Variants in TRHDE observed in about 807,000 individuals in gnomAD.
TRHDE encodes the protein thyrotropin-releasing hormone-degrading ectoenzyme.
In TRHDE, 72 loss-of-function variants were observed where a neutral mutation model predicts 125.7. The ratio of observed to expected loss-of-function variants is 0.57; its 90% CI spans 0.47 to 0.70. TRHDE has a LOEUF of 0.70. TRHDE is among the 30% of genes least tolerant of loss of function. The probability of loss-of-function intolerance (pLI) is 0.00; values close to 1 mark genes in which losing one functional copy is unlikely to be tolerated. For synonymous variants in TRHDE, 509 were observed against 509.1 expected (o/e 1.00, Z 0.00); for missense variants, 1,110 against 1,327.1 (o/e 0.84, Z 2.54).
intron 2 of TRHDE, among the ~76,000 whole-genome samples, chr12:72,116,318 CAT>C (rs1186732066): frequency 2.0e-5 from 3 of 152,118 alleles, no homozygotes; most frequent in Admixed American, 6.6e-5. Flanking sequence ...CTAAAATAAA[CAT>C]ATGTGTGCAT....
intron 2 of TRHDE, among the ~76,000 whole-genome samples, chr12:72,216,347 C>T (rs1056025948): frequency 6.6e-6 from 1 of 152,060 alleles, no homozygotes; most frequent in Non-Finnish European, 1.5e-5. Flanking sequence ...CTTATGAAAT[C>T]CTTTTGGTAG....
chr12:72,165,469 G>A (rs548234546), intron 2 of TRHDE, among the ~76,000 whole-genome samples: 1 of 152,172 alleles, frequency 6.6e-6, no homozygotes, highest in South Asian at 2.1e-4. Context: ...TACTTGTCAG[G>A]GTGGGAGGCT....
At chr12:72,265,790 G>C (rs887576835) in intron 2 of TRHDE, among the ~76,000 whole-genome samples, 1 of 151,734 alleles carries the variant, frequency 6.6e-6, no homozygotes, top group African/African-American at 2.4e-5. Context: ...CTGTATCTTT[G>C]ACCAGAATCC....
At chr12:72,543,643 A>C (rs1869263684) in intron 7 of TRHDE, among the ~76,000 whole-genome samples, 1 of 151,420 alleles carries the variant, frequency 6.6e-6, no homozygotes, top group South Asian at 2.1e-4. Flanking sequence ...CATAAGGGCA[A>C]CATAAATTGA....
At chr12:72,621,988 TA>T (rs1296557238) in intron 15 of TRHDE, among the ~76,000 whole-genome samples, 1 of 152,158 alleles carries the variant, frequency 6.6e-6, no homozygotes, top group Non-Finnish European at 1.5e-5. Flanking sequence ...TCTTTATTTT[TA>T]AATATATTTA....
chr12:72,662,982 G>A (rs1874973101), intron 18 of TRHDE, 70 bp from the exon 19 acceptor site: 1 of 1,450,576 alleles, frequency 6.9e-7, no homozygotes, highest in African/African-American at 1.4e-5. Flanking sequence ...ATAGATTCTT[G>A]TTCATGTTTG....
intron 15 of TRHDE, among the ~76,000 whole-genome samples, chr12:72,642,388 C>A (rs544270122): frequency 1.3e-5 from 2 of 152,116 alleles, no homozygotes; most frequent in Non-Finnish European, 2.9e-5. Context: ...ATACACTGAA[C>A]TTCTATGCTT....
chr12:72,587,688 G>T (rs1443556894), intron 12 of TRHDE, among the ~76,000 whole-genome samples: 6 of 151,352 alleles, frequency 4.0e-5, no homozygotes, highest in Admixed American at 1.3e-4. Flanking sequence ...TTTTCTTGGT[G>T]GAATAAAGAT....
chr12:72,186,941 G>T (rs948972789), intron 2 of TRHDE, among the ~76,000 whole-genome samples: 7 of 152,040 alleles, frequency 4.6e-5, no homozygotes, highest in Non-Finnish European at 7.4e-5. Context: ...TTATCAATTA[G>T]ATGATAGAAA....
At chr12:72,548,468 C>A (rs752845707) in intron 7 of TRHDE, among the ~76,000 whole-genome samples, 1 of 151,602 alleles carries the variant, frequency 6.6e-6, no homozygotes, top group Non-Finnish European at 1.5e-5. Flanking sequence ...TTCATTTGAT[C>A]AATAAATTAG....
intron 15 of TRHDE, 26 bp from the exon 16 acceptor site, chr12:72,652,295 GA>G: frequency 7.2e-7 from 1 of 1,383,954 alleles, no homozygotes; most frequent in Non-Finnish European, 9.4e-7. Context: ...TTAATTAACA[GA>G]AAACCACCAT....
At chr12:72,388,743 G>C (rs1263502262) in intron 3 of TRHDE, among the ~76,000 whole-genome samples, 1 of 151,990 alleles carries the variant, frequency 6.6e-6, no homozygotes, top group Non-Finnish European at 1.5e-5. Flanking sequence ...GGAAATTGTT[G>C]GTGAAAAATG....
intron 2 of TRHDE, among the ~76,000 whole-genome samples, chr12:72,134,352 G>A (rs79643358): frequency 0.035 from 5,371 of 152,116 alleles, 166 homozygotes; most frequent in African/African-American, 0.086. Flanking sequence ...TTGGAGGCAA[G>A]GGATTACAGA....
At chr12:72,119,908 G>A (rs1485530650) in intron 2 of TRHDE, among the ~76,000 whole-genome samples, 2 of 151,940 alleles carry the variant, frequency 1.3e-5, no homozygotes, top group African/African-American at 2.4e-5. Flanking sequence ...TTCAGTTTAT[G>A]TGTGTCTTTA....
In TRHDE at chr12:72,504,330, G is replaced by T. The variant is rs1248664711; in HGVS notation, c.1722+4695G>T. On this transcript the variant is annotated intron_variant, in intron 6 of 18. Coordinates refer to ENST00000261180, the MANE Select transcript of TRHDE (RefSeq NM_013381.3). ...ATTTTTTTTTTTTTTTTTTGAGACA[G>T]TCTCGCTCTGTCGCTCAGGCTGGAG... Among the ~76,000 whole-genome samples the T allele has an allele frequency of 2.7e-5, 4 of 146,828 alleles. No homozygotes were observed. The East Asian group carries it at 6.0e-4, about 22-fold the overall frequency.
chr12:72,597,713 GTATATA>G (rs762515309), intron 12 of TRHDE, among the ~76,000 whole-genome samples: 452 of 18,410 alleles, frequency 0.025, 10 homozygotes, highest in Admixed American at 0.1. Flanking sequence ...GTGTGTGTAT[GTATATA>G]TATATATATA....
chr12:72,447,592 T>C (rs578176383), intron 3 of TRHDE, among the ~76,000 whole-genome samples: 15 of 152,168 alleles, frequency 9.9e-5, no homozygotes, highest in African/African-American at 3.4e-4. Context: ...TATGAAACCC[T>C]GATGGTGACT....
chr12:72,615,117 TTCTC>T (rs1387294470), intron 12 of TRHDE, among the ~76,000 whole-genome samples: 1 of 152,058 alleles, frequency 6.6e-6, no homozygotes, highest in African/African-American at 2.4e-5. Flanking sequence ...ATTTGCCTCT[TTCTC>T]ATTGTTTTTT....
intron 3 of TRHDE, among the ~76,000 whole-genome samples, chr12:72,405,087 G>A (rs756933374): frequency 1.3e-5 from 2 of 152,174 alleles, no homozygotes; most frequent in Admixed American, 6.5e-5. Context: ...TATGTTTAAT[G>A]TGTGTGCTAA....
Sources: allele counts gnomAD v4.1 joint callset (sites outside exome capture counted in the v4.1 genomes callset), GRCh38; gene constraint gnomAD v4.1.1; transcripts MANE v1.5; gene names NCBI Gene and HGNC (gene_info 2026-07-23, HGNC 2026-07-21).